ALG5: variants seen among roughly 807,000 people sequenced by gnomAD.
ALG5 encodes the protein dolichyl-phosphate beta-glucosyltransferase.
Under a neutral mutation model 51.8 loss-of-function variants are expected in ALG5, and 26 were observed. The observed-to-expected ratio is 0.50, with a 90% confidence interval of 0.37 to 0.70. ALG5 has a LOEUF of 0.70. ALG5 is among the 30% of genes least tolerant of loss of function. The probability of loss-of-function intolerance (pLI) is 0.00; values close to 1 mark genes in which losing one functional copy is unlikely to be tolerated. For missense variants in ALG5, 311 were observed against 399.3 expected (o/e 0.78, Z 1.88); for synonymous variants, 141 against 136.1 (o/e 1.04, Z -0.25).
At chr13:36,951,185 T>C (rs2058816484) in intron 9 of ALG5, among the ~76,000 whole-genome samples, 1 of 152,176 alleles carries the variant, frequency 6.6e-6, no homozygotes. Flanking sequence ...TGACTAAACA[T>C]AAAATGGACT....
intron 6 of ALG5, among the ~76,000 whole-genome samples, chr13:36,979,557 T>C (rs376772347): frequency 1.3e-5 from 2 of 152,220 alleles, no homozygotes; most frequent in Non-Finnish European, 2.9e-5. Flanking sequence ...CAAGGATTAC[T>C]ATATTAGAGA....
At chr13:36,965,317 A>AGGAAGTCTAAGGAAAAAAAG (rs59256575) in intron 8 of ALG5, among the ~76,000 whole-genome samples, 1 of 151,988 alleles carries the variant, frequency 6.6e-6, no homozygotes, top group East Asian at 1.9e-4. Flanking sequence ...AGGAAAAAAA[A>AGGAAGTCTAAGGAAAAAAAG]TGTTTTCAGG....
chr13:36,989,818 T>C (rs1325859460), intron 4 of ALG5, among the ~76,000 whole-genome samples: 1 of 152,132 alleles, frequency 6.6e-6, no homozygotes, highest in Non-Finnish European at 1.5e-5. Flanking sequence ...GCAATGACCT[T>C]CTTTTCTTGA....
chr13:36,952,988 C>T (rs766201868), intron 8 of ALG5: 10 of 157,600 alleles, frequency 6.3e-5, no homozygotes, highest in Non-Finnish European at 1.4e-4. Flanking sequence ...TAAAACAAAA[C>T]TCTGAGATGC....
chr13:36,999,344 G>A (rs1318747259), upstream of ALG5: 3 of 1,495,722 alleles, frequency 2.0e-6, no homozygotes, highest in Non-Finnish European at 1.8e-6. Context: ...CCTCCACACA[G>A]GCGGAAGCGC....
chr13:36,979,568 T>C (rs1262381030), intron 6 of ALG5, among the ~76,000 whole-genome samples: 2 of 152,222 alleles, frequency 1.3e-5, no homozygotes, highest in Non-Finnish European at 2.9e-5. Flanking sequence ...ATATTAGAGA[T>C]AGAAGAGCAT....
intron 6 of ALG5, among the ~76,000 whole-genome samples, chr13:36,979,772 G>C (rs569919522): frequency 1.8e-3 from 269 of 152,298 alleles, no homozygotes; most frequent in African/African-American, 6.2e-3. Flanking sequence ...TTAAGGGCCA[G>C]GCGTGGTGAC....
At chr13:36,984,505 T>C (rs943488304) in intron 6 of ALG5, among the ~76,000 whole-genome samples, 10 of 142,606 alleles carry the variant, frequency 7.0e-5, no homozygotes, top group Non-Finnish European at 1.5e-4. Flanking sequence ...AATACTTGCA[T>C]GTAATTTTGT....
chr13:36,972,917 A>G (rs12864926), intron 6 of ALG5, among the ~76,000 whole-genome samples: 3,044 of 147,330 alleles, frequency 0.021, 36 homozygotes, highest in Non-Finnish European at 0.032. Context: ...GCGTGAACCC[A>G]GGAGGCAGAG....
chr13:36,977,790 C>CAAAAAA (rs869027711), intron 6 of ALG5, among the ~76,000 whole-genome samples: 10 of 39,096 alleles, frequency 2.6e-4, no homozygotes, highest in Admixed American at 5.3e-4. Flanking sequence ...AGACTGTCTC[C>CAAAAAA]AAAAAAAAAA....
At chr13:36,984,742 G>T (rs577442054) in intron 6 of ALG5, among the ~76,000 whole-genome samples, 4 of 152,024 alleles carry the variant, frequency 2.6e-5, no homozygotes, top group African/African-American at 4.8e-5. Context: ...GAGGGTAGAC[G>T]GTGGGAAGGC....
chr13:36,997,813 T>G (rs1006053506), intron 1 of ALG5, among the ~76,000 whole-genome samples: 1 of 152,178 alleles, frequency 6.6e-6, no homozygotes. Flanking sequence ...CTGTGAGTAA[T>G]GGAGAGTGGA....
At chr13:36,985,547 A>G (rs1300431991) in intron 6 of ALG5, 80 bp downstream of exon 6, 1 of 1,116,934 alleles carries the variant, frequency 9.0e-7, no homozygotes, top group Non-Finnish European at 1.3e-6. Context: ...TTAAACTGAT[A>G]GGTAAACTCT....
chr13:36,974,621 A>G (rs979715205), intron 6 of ALG5, among the ~76,000 whole-genome samples: 3 of 152,140 alleles, frequency 2.0e-5, no homozygotes, highest in African/African-American at 7.2e-5. Context: ...AAACATACGC[A>G]AAACTAGAAA....
intron 8 of ALG5, among the ~76,000 whole-genome samples, chr13:36,963,369 G>C (rs1191651700): frequency 2.0e-5 from 3 of 152,192 alleles, no homozygotes; most frequent in Non-Finnish European, 4.4e-5. Context: ...TGATTTTTAA[G>C]TTATCAATCC....
intron 6 of ALG5, among the ~76,000 whole-genome samples, chr13:36,977,039 C>A (rs1046106226): frequency 3.9e-5 from 6 of 152,064 alleles, no homozygotes; most frequent in African/African-American, 1.4e-4. Context: ...AATCAAAATC[C>A]AAAAAACTTT....
intron 8 of ALG5, among the ~76,000 whole-genome samples, chr13:36,962,627 A>G (rs1340159586): frequency 6.6e-6 from 1 of 152,120 alleles, no homozygotes; most frequent in African/African-American, 2.4e-5. Flanking sequence ...CACCATCCCC[A>G]GCCACTAAGT....
chr13:36,970,332 G>A (rs1020503021), intron 7 of ALG5, among the ~76,000 whole-genome samples: 1 of 152,148 alleles, frequency 6.6e-6, no homozygotes. Context: ...AAAGAGAAGA[G>A]GCCAGGCGTG....
At chr13:36,964,463 T>C (rs185221914) in intron 8 of ALG5, among the ~76,000 whole-genome samples, 8 of 152,094 alleles carry the variant, frequency 5.3e-5, no homozygotes, top group African/African-American at 1.9e-4. Context: ...GATATATGCA[T>C]GTGGAGAATG....
Sources: allele counts gnomAD v4.1 joint callset (sites outside exome capture counted in the v4.1 genomes callset), GRCh38; gene constraint gnomAD v4.1.1; transcripts MANE v1.5; gene names NCBI Gene and HGNC (gene_info 2026-07-23, HGNC 2026-07-21).